PRSS1: variants seen among roughly 807,000 people sequenced by gnomAD.
PRSS1 encodes serine protease 1, also known as TCR V beta 4.1.
Under a neutral mutation model 24.2 loss-of-function variants are expected in PRSS1, and 22 were observed. That is an observed-to-expected ratio of 0.91 (90% CI 0.65 to 1.30). The LOEUF (loss-of-function observed/expected upper bound fraction) is 1.30. Ranked by LOEUF, PRSS1 falls within the 50% of genes most tolerant of loss-of-function variation. The pLI is 0.00. For synonymous variants in PRSS1, 126 were observed against 116.1 expected (o/e 1.08, Z -0.55); for missense variants, 366 against 304.2 (o/e 1.20, Z -1.51).
At position 142,750,595 on chromosome 7, in the gene PRSS1, C is replaced by T. The variant is rs1403836546; in HGVS notation, c.81C>T (p.Gly27=). Residue 27 remains glycine (G), a synonymous_variant, in exon 2 of 5, where the codon GGC becomes GGT. Coordinates refer to ENST00000311737, the MANE Select transcript of PRSS1 (RefSeq NM_002769.5). ...PFDDDDKIVG[G]YNCEENSVPY... is the part of the protein sequence containing the mutation. ...ATGATGATGACAAGATCGTTGGGGG[C>T]TACAACTGTGAGGAGAATTCTGTCC... 1.1e-5 allele frequency: 18 copies of T among 1,614,040 alleles called. No individual in the cohort carries two copies. Among genetic ancestry groups the T allele is most frequent in the Non-Finnish European group, 1.4e-5 (17 of 1,179,870 alleles).
rs527849035 is a variant in PRSS1 at position 142,750,509 on chromosome 7, C to G, written c.41-46C>G. ...CAATCACAGGCTGGGAGCGCCACCC[C>G]TAACATGCTATTGACTTGCCTTCTC... On this transcript the variant is annotated intron_variant, in intron 1 of 4. Transcript: ENST00000311737. The G allele has an allele frequency of 1.9e-6, 3 of 1,613,656 alleles. No homozygotes were observed. In the African/African-American group the frequency reaches 4.0e-5, roughly 21 times the overall value.
rs1798626516 is a variant in PRSS1, at chr7:142,750,698, G to A, written c.184G>A (p.Gly62Ser). 1.2e-6 allele frequency: 2 copies of A among 1,613,822 alleles called. No individual in the cohort carries two copies. The highest frequency in any genetic ancestry group is 1.7e-6 in the Non-Finnish European group (2 of 1,179,812). ...LINEQWVVSA[G>S]HCYKSRIQVR... ...CAACGAACAGTGGGTGGTATCAGCA[G>A]GCCACTGCTACAAGTCGTAAGTGTG... Residue 62 changes from glycine to serine, a missense_variant, in exon 2 of 5, where the codon GGC becomes AGC. Physicochemically the swap from Gly to Ser is moderately conservative, Grantham distance 56. Transcript: ENST00000311737.
intron 2 of PRSS1, chr7:142,751,208 C>T: frequency 1.5e-6 from 1 of 662,254 alleles, no homozygotes; most frequent in Non-Finnish European, 2.7e-6. Flanking sequence ...GAGTATGCAT[C>T]AGAACGCCCT....
At chr7:142,749,657 T>A in intron 1 of PRSS1, 133 bp downstream of exon 1, 1 of 1,235,866 alleles carries the variant, frequency 8.1e-7, no homozygotes, top group Non-Finnish European at 1.2e-6. Flanking sequence ...CATATCTCCT[T>A]CCCATCCTCC....
Position 142,752,025 on chromosome 7 carries a change from G to T in PRSS1, c.452G>T (p.Gly151Val), listed in dbSNP as rs1563261623. Residue 151 changes from glycine to valine, a missense_variant and splice_region_variant, in exon 3 of 5, where the codon GGC becomes GTC. Coordinates refer to ENST00000311737, the MANE Select transcript of PRSS1 (RefSeq NM_002769.5). ...GGCTGGGGCAACACTGCGAGCTCTG[G>T]CGGTGAGTGGGACCCTTAGTCCTTC... ...ISGWGNTASS[G>V]ADYPDELQCL... The T allele has an allele frequency of 1.2e-6, 2 of 1,614,130 alleles. No individual in the cohort carries two copies.
intron 1 of PRSS1, among the ~76,000 whole-genome samples, chr7:142,750,068 C>T (rs1353065498): frequency 1.3e-5 from 2 of 152,044 alleles, no homozygotes; most frequent in Non-Finnish European, 2.9e-5. Context: ...CCAAAGTGAG[C>T]CTGGGGGCTG....
At chr7:142,752,145 T>C (rs891630273) in intron 3 of PRSS1, 118 bp downstream of exon 3, 8 of 1,496,590 alleles carry the variant, frequency 5.3e-6, no homozygotes, top group Non-Finnish European at 7.4e-6. Flanking sequence ...GAGTGCCCAT[T>C]ACACACAGAC....
Position 142,750,670 on chromosome 7 carries a change from C to T in PRSS1, c.156C>T (p.Leu52=), listed in dbSNP as rs781059471. 3 of 1,613,442 alleles carry T rather than the reference C, an allele frequency of 1.9e-6. No homozygotes were observed. Among genetic ancestry groups the T allele is most frequent in the Admixed American group, 1.7e-5 (1 of 59,996 alleles). ...NSGYHFCGGS[L]INEQWVVSAG... ...GCTACCACTTCTGTGGTGGCTCCCT[C>T]ATCAACGAACAGTGGGTGGTATCAG... is the stretch of plus-strand genomic sequence containing the variant. Residue 52 remains leucine, a synonymous_variant, in exon 2 of 5, where the codon CTC becomes CTT. Coordinates refer to ENST00000311737, the MANE Select transcript of PRSS1 (RefSeq NM_002769.5).
chr7:142,750,520 T>A (rs367779270), intron 1 of PRSS1, 35 bp from the exon 2 acceptor site: 2 of 1,411,832 alleles, frequency 1.4e-6, no homozygotes, highest in East Asian at 2.4e-5. Flanking sequence ...TAACATGCTA[T>A]TGACTTGCCT....
Position 142,753,038 on chromosome 7 carries a change from C to T in PRSS1, c.*18C>T. 1.2e-6 allele frequency: 2 copies of T among 1,611,352 alleles called. No homozygotes were observed. Among genetic ancestry groups the T allele is most frequent in the Non-Finnish European group, 1.7e-6 (2 of 1,177,552 alleles). The stretch of plus-strand genomic sequence containing the variant: ...ATAGCTAAAGCCCCCAGTATCTCTT[C>T]AGTCTCTATACCAATAAAGTGACCC... On this transcript the variant is annotated 3_prime_UTR_variant, in exon 5 of 5. Transcript: ENST00000311737.
In PRSS1 at chr7:142,752,768, GC is replaced by G. The variant is rs572509848; in HGVS notation, c.592-98del. ...TGGGCCACCATGAGAAGGACATGGA[GC>G]CACAGAGCTGGCTGGAAAGGGGTCT... is the stretch of plus-strand genomic sequence containing the variant. On this transcript the variant is annotated intron_variant, in intron 4 of 4. Coordinates refer to ENST00000311737, the MANE Select transcript of PRSS1 (RefSeq NM_002769.5). 68 of 1,528,098 alleles carry G rather than the reference GC, an allele frequency of 4.4e-5. No individual in the cohort carries two copies. In the African/African-American group the frequency reaches 8.4e-4, roughly 19 times the overall value. The allele number at this position is 1,528,098 out of a possible 1,614,324, so 94.7% of individuals were successfully genotyped here.
In PRSS1 at chr7:142,750,645, G is replaced by C. The variant is rs773739445; in HGVS notation, c.131G>C (p.Gly44Ala). ...SVPYQVSLNS[G>A]YHFCGGSLIN... is the part of the protein sequence containing the mutation. ...CCCTACCAGGTGTCCCTGAATTCTG[G>C]CTACCACTTCTGTGGTGGCTCCCTC... The change falls in exon 2 of 5, where the codon GGC becomes GCC. Residue 44 changes from glycine to alanine, a missense_variant. Gly to Ala is a moderately conservative substitution (Grantham distance 60, BLOSUM62 0). Coordinates refer to ENST00000311737, the MANE Select transcript of PRSS1 (RefSeq NM_002769.5). The C allele has an allele frequency of 2.5e-6, 4 of 1,614,022 alleles. No individual in the cohort carries two copies. The highest frequency in any genetic ancestry group is 1.1e-5 in the South Asian group (1 of 91,074).
At chr7:142,751,566 C>G in intron 2 of PRSS1, 4 of 879,242 alleles carry the variant, frequency 4.5e-6, no homozygotes, top group Non-Finnish European at 6.8e-6. Context: ...TTCCCCACCC[C>G]ACTACCACCA....
intron 2 of PRSS1, 101 bp from the exon 3 acceptor site, chr7:142,751,673 C>T: frequency 2.7e-6 from 4 of 1,489,580 alleles, no homozygotes; most frequent in East Asian, 4.6e-5. Context: ...CCCATGCCTC[C>T]AGAGCTGTCC....
At chr7:142,750,277 T>C (rs1798587282) in intron 1 of PRSS1, among the ~76,000 whole-genome samples, 1 of 152,154 alleles carries the variant, frequency 6.6e-6, no homozygotes, top group South Asian at 2.1e-4. Context: ...CCAACTCCTA[T>C]CCCACTGGAA....
chr7:142,752,611 C>T (rs2116985567), intron 4 of PRSS1, 44 bp downstream of exon 4: 15 of 1,613,972 alleles, frequency 9.3e-6, no homozygotes, highest in Non-Finnish European at 1.2e-5. Flanking sequence ...CCACTGATAC[C>T]TAGGCCCCAC....
At chr7:142,749,628 T>C (rs1386416767) in intron 1 of PRSS1, 104 bp downstream of exon 1, 8 of 1,459,512 alleles carry the variant, frequency 5.5e-6, no homozygotes, top group African/African-American at 1.4e-5. Flanking sequence ...TGCTCTGATA[T>C]TCCGTTTCCT....
At chr7:142,751,230 A>G (rs1798695320) in intron 2 of PRSS1, 2 of 631,758 alleles carry the variant, frequency 3.2e-6, no homozygotes, top group South Asian at 1.8e-5. Flanking sequence ...CAGGCTTGTT[A>G]AGGCACAAAT....
At chr7:142,752,214 GAC>G (rs1299147964) in intron 3 of PRSS1, among the ~76,000 whole-genome samples, 187 bp downstream of exon 3, 1 of 152,184 alleles carries the variant, frequency 6.6e-6, no homozygotes, top group Non-Finnish European at 1.5e-5. Context: ...AAAATCAAGA[GAC>G]AGGACAAATG....
Sources: gnomAD v4.1 joint callset for allele counts (sites outside exome capture counted in the v4.1 genomes callset) on GRCh38, gnomAD v4.1.1 for gene constraint, MANE v1.5 for transcripts, NCBI Gene and HGNC (gene_info 2026-07-23, HGNC 2026-07-21) for gene names.